RASGRF2: variants seen among roughly 807,000 people sequenced by gnomAD.
RASGRF2 encodes ras-specific guanine nucleotide-releasing factor 2.
A neutral mutation model predicts 151.0 loss-of-function variants in RASGRF2; 76 were observed. The observed-to-expected ratio is 0.50, with a 90% confidence interval of 0.42 to 0.61. The LOEUF (loss-of-function observed/expected upper bound fraction) is 0.61, where lower values mean the gene tolerates loss of function less well. RASGRF2 is among the 20% of genes least tolerant of loss of function. RASGRF2 has a pLI of 0.00. For synonymous variants in RASGRF2, 504 were observed against 566.5 expected (o/e 0.89, Z 1.57); for missense variants, 1,148 against 1,564.6 (o/e 0.73, Z 4.49).
At chr5:81,151,736 G>A (rs1409785422) in intron 17 of RASGRF2, among the ~76,000 whole-genome samples, 1 of 152,146 alleles carries the variant, frequency 6.6e-6, no homozygotes, top group African/African-American at 2.4e-5. Context: ...GGGTCCAGCT[G>A]CTGGAACTGA....
intron 14 of RASGRF2, 86 bp from the exon 15 acceptor site, chr5:81,113,452 A>T (rs1029390046): frequency 1.4e-6 from 2 of 1,422,980 alleles, no homozygotes; most frequent in African/African-American, 1.4e-5. Flanking sequence ...GTGACCTATA[A>T]ATGAAGGGAA....
At chr5:81,031,891 A>G (rs1750265346) in intron 1 of RASGRF2, among the ~76,000 whole-genome samples, 1 of 152,190 alleles carries the variant, frequency 6.6e-6, no homozygotes, top group Non-Finnish European at 1.5e-5. Context: ...AACAAAATTG[A>G]TAGACCGCTA....
At chr5:81,136,730 A>C (rs560740638) in intron 17 of RASGRF2, among the ~76,000 whole-genome samples, 2 of 152,034 alleles carry the variant, frequency 1.3e-5, no homozygotes, top group African/African-American at 4.8e-5. Context: ...CAGTACTCCA[A>C]TTACTTGTTT....
chr5:81,132,837 G>A (rs1753657938), intron 17 of RASGRF2, among the ~76,000 whole-genome samples: 1 of 152,094 alleles, frequency 6.6e-6, no homozygotes, highest in Non-Finnish European at 1.5e-5. Flanking sequence ...TATACAATTT[G>A]GGGAAACACA....
chr5:81,087,003 A>T (rs372088217), intron 9 of RASGRF2, 50 bp downstream of exon 9: 2 of 1,505,224 alleles, frequency 1.3e-6, no homozygotes, highest in African/African-American at 1.4e-5. Context: ...TGCGGCTGTC[A>T]CATGATCTCG....
intron 18 of RASGRF2, among the ~76,000 whole-genome samples, chr5:81,191,863 A>G (rs1440281811): frequency 6.6e-6 from 1 of 152,180 alleles, no homozygotes; most frequent in Non-Finnish European, 1.5e-5. Flanking sequence ...GTCATTTGTC[A>G]GCAAATGATC....
At position 81,047,255 on chromosome 5, in the gene RASGRF2, C is replaced by T. The variant is rs114601598; in HGVS notation, c.395+4272C>T. 4.1e-3 allele frequency among the ~76,000 whole-genome samples: 621 copies of T among 152,182 alleles called. 7 individuals carry two copies. The highest frequency in any genetic ancestry group is 0.014 in the African/African-American group (594 of 41,512). On this transcript the variant is annotated intron_variant, in intron 2 of 26. Coordinates refer to ENST00000265080, the MANE Select transcript of RASGRF2 (RefSeq NM_006909.3). ...GTGAGACACTGAATTGATCCCTTGG[C>T]GTGTGGGGTATGAGAGAATGAGTAT...
intron 22 of RASGRF2, among the ~76,000 whole-genome samples, chr5:81,211,164 A>T (rs1197261529): frequency 7.1e-6 from 1 of 140,100 alleles, no homozygotes; most frequent in Non-Finnish European, 1.5e-5. Context: ...AAAAAAAAAG[A>T]CTCAGTGCAG....
At chr5:81,209,999 A>T (rs1459121501) in intron 22 of RASGRF2, 1 of 152,668 alleles carries the variant, frequency 6.6e-6, no homozygotes, top group East Asian at 1.9e-4. Flanking sequence ...ATCTACATAT[A>T]TCTCAGGCTC....
At chr5:81,013,201 CTT>C (rs1749525302) in intron 1 of RASGRF2, among the ~76,000 whole-genome samples, 1 of 152,206 alleles carries the variant, frequency 6.6e-6, no homozygotes, top group African/African-American at 2.4e-5. Flanking sequence ...CAGCTGAAAT[CTT>C]TGATCAGTTT....
intron 1 of RASGRF2, among the ~76,000 whole-genome samples, chr5:80,995,981 C>T (rs900088102): frequency 1.3e-4 from 20 of 152,108 alleles, no homozygotes; most frequent in Admixed American, 9.2e-4. Flanking sequence ...GTGTGAGACA[C>T]TGCACCCAGC....
chr5:81,006,884 T>C (rs763219711), intron 1 of RASGRF2, among the ~76,000 whole-genome samples: 2 of 152,180 alleles, frequency 1.3e-5, no homozygotes, highest in Non-Finnish European at 2.9e-5. Flanking sequence ...TTTATAGACT[T>C]GTCACAAACC....
chr5:81,024,807 T>C (rs1253499444), intron 1 of RASGRF2, among the ~76,000 whole-genome samples: 1 of 152,202 alleles, frequency 6.6e-6, no homozygotes, highest in Non-Finnish European at 1.5e-5. Context: ...TCTGGTCACA[T>C]TTTCCTTCCA....
Position 81,207,302 on chromosome 5 carries a change from A to C in RASGRF2, c.3024A>C (p.Glu1008Asp). Residue 1008 changes from glutamate to aspartate, a missense_variant, in exon 21 of 27, where the codon GAA becomes GAC. Physicochemically the swap from Glu to Asp is conservative, Grantham distance 45. Around this residue, in one of 5 missense-constraint regions of RASGRF2, gnomAD observed 646 missense variants for 807.4 expected, o/e 0.80. Transcript: ENST00000265080. ...CCTTGTCGGCCATGGAGCTGGCAGA[A>C]CAGATCACCCTCCTGGACCATGTCA... ...FESLSAMELA[E>D]QITLLDHVIF... 6.2e-7 allele frequency: 1 copy of C among 1,614,148 alleles called. No individual in the cohort carries two copies. Among genetic ancestry groups the C allele is most frequent in the Non-Finnish European group, 8.5e-7 (1 of 1,180,016 alleles).
intron 1 of RASGRF2, among the ~76,000 whole-genome samples, chr5:80,968,664 T>C (rs1747801781): frequency 6.6e-6 from 1 of 152,182 alleles, no homozygotes; most frequent in African/African-American, 2.4e-5. Flanking sequence ...GTATGTTAAA[T>C]CTTAAAGGGA....
At chr5:81,161,823 G>C (rs960359885) in intron 17 of RASGRF2, among the ~76,000 whole-genome samples, 6 of 151,954 alleles carry the variant, frequency 3.9e-5, no homozygotes, top group Middle Eastern at 3.4e-3. Context: ...TATAAACATT[G>C]TTGGCCCCAA....
intron 1 of RASGRF2, among the ~76,000 whole-genome samples, chr5:80,966,032 GCTTT>G (rs2112205779): frequency 6.6e-6 from 1 of 151,626 alleles, no homozygotes; most frequent in African/African-American, 2.4e-5. Context: ...GTTTAAAGTG[GCTTT>G]CTATTTTTAT....
At chr5:81,120,077 A>G (rs1753265385) in intron 15 of RASGRF2, among the ~76,000 whole-genome samples, 1 of 152,074 alleles carries the variant, frequency 6.6e-6, no homozygotes, top group African/African-American at 2.4e-5. Context: ...TCTTAGTCAC[A>G]TTCACCACCT....
At position 81,092,955 on chromosome 5, in the gene RASGRF2, G is replaced by A. The variant is rs376286694; in HGVS notation, c.1545G>A (p.Leu515=). Residue 515 remains leucine (L), a synonymous_variant, in exon 10 of 27, where the codon CTG becomes CTA. Transcript: ENST00000265080. ...CTRSSGGKLH[L]LKTGGVLSLI... The stretch of plus-strand genomic sequence containing the variant: ...GAAGTTCAGGAGGGAAGCTTCATCT[G>A]CTCAAGGTACTGGTTTTCCATAACT... The A allele has an allele frequency of 7.5e-6, 12 of 1,609,694 alleles. No homozygotes were observed. The highest frequency in any genetic ancestry group is 3.4e-5 in the Admixed American group (2 of 59,534).
Sources: gnomAD v4.1 joint callset for allele counts (sites outside exome capture counted in the v4.1 genomes callset) on GRCh38, gnomAD v4.1.1 for gene constraint, gnomAD v4.1.1 regional missense constraint, MANE v1.5 for transcripts, NCBI Gene and HGNC (gene_info 2026-07-23, HGNC 2026-07-21) for gene names.